Variants in PARVA observed in about 807,000 individuals in gnomAD.
PARVA encodes the protein parvin alpha, also known as alpha-parvin.
Under a neutral mutation model 52.6 loss-of-function variants are expected in PARVA, and 25 were observed. The observed-to-expected ratio is 0.48, with a 90% confidence interval of 0.35 to 0.66. The LOEUF (loss-of-function observed/expected upper bound fraction) is 0.66. PARVA is among the 30% of genes least tolerant of loss of function. PARVA has a pLI of 0.01. For missense variants in PARVA, 373 were observed against 450.9 expected, an observed-to-expected ratio of 0.83 and a Z score of 1.56; for synonymous variants, 185 against 179.1, an observed-to-expected ratio of 1.03 and a Z score of -0.26.
At chr11:12,459,546 CA>C (rs1329352722) in intron 1 of PARVA, among the ~76,000 whole-genome samples, 5 of 152,170 alleles carry the variant, frequency 3.3e-5, no homozygotes, top group Admixed American at 2.0e-4. Context: ...ACTCACCCTT[CA>C]TAGCTGGGAA....
chr11:12,381,366 G>A (rs1939483599), intron 1 of PARVA, among the ~76,000 whole-genome samples: 2 of 152,162 alleles, frequency 1.3e-5, no homozygotes, highest in African/African-American at 4.8e-5. Flanking sequence ...CATTCCTCAA[G>A]ATCACTGCCA....
intron 11 of PARVA, among the ~76,000 whole-genome samples, chr11:12,517,936 G>A (rs6485801): frequency 6.6e-6 from 1 of 152,156 alleles, no homozygotes; most frequent in South Asian, 2.1e-4. Context: ...GCCTGGCCCG[G>A]GTCCCCTGCC....
chr11:12,464,225 T>TA (rs1940824015), intron 1 of PARVA, among the ~76,000 whole-genome samples: 1 of 152,162 alleles, frequency 6.6e-6, no homozygotes. Flanking sequence ...TAGAAATACT[T>TA]AGAGAGATAT....
chr11:12,448,969 T>A (rs776080349), intron 1 of PARVA, among the ~76,000 whole-genome samples: 1 of 152,202 alleles, frequency 6.6e-6, no homozygotes, highest in Admixed American at 6.5e-5. Flanking sequence ...GACATTTAGC[T>A]AAGAAGCTTT....
intron 1 of PARVA, among the ~76,000 whole-genome samples, chr11:12,410,519 C>T (rs990114602): frequency 4.6e-5 from 7 of 152,192 alleles, no homozygotes; most frequent in Non-Finnish European, 8.8e-5. Context: ...GGTCTAGATC[C>T]GAAGGATTGC....
At chr11:12,466,080 T>C (rs1224190487) in intron 1 of PARVA, among the ~76,000 whole-genome samples, 3 of 152,202 alleles carry the variant, frequency 2.0e-5, no homozygotes, top group Admixed American at 6.5e-5. Flanking sequence ...GTTTTGTCAT[T>C]CCCTAATCAC....
intron 10 of PARVA, among the ~76,000 whole-genome samples, chr11:12,517,303 A>ACCCCCCCCCCCCCCCCCCCC (rs1564869136): frequency 4.4e-5 from 5 of 112,484 alleles, no homozygotes; most frequent in Admixed American, 9.2e-5. Context: ...AGCCACACTG[A>ACCCCCCCCCCCCCCCCCCCC]CCACCCCCCA....
At chr11:12,520,890 T>C (rs924960535) in intron 12 of PARVA, among the ~76,000 whole-genome samples, 2 of 151,862 alleles carry the variant, frequency 1.3e-5, no homozygotes, top group African/African-American at 4.8e-5. Flanking sequence ...GAGGCGGAAG[T>C]TGCACCACTG....
intron 4 of PARVA, among the ~76,000 whole-genome samples, chr11:12,494,550 G>A (rs746089005): frequency 6.6e-5 from 10 of 152,058 alleles, no homozygotes; most frequent in African/African-American, 1.2e-4. Context: ...TATAACCATA[G>A]ATGCCACTAT....
chr11:12,475,336 G>T (rs753653307), intron 3 of PARVA, among the ~76,000 whole-genome samples: 13 of 152,168 alleles, frequency 8.5e-5, no homozygotes, highest in Non-Finnish European at 1.5e-4. Flanking sequence ...CCACTCCACG[G>T]CTGCTATAAC....
chr11:12,515,580 G>A (rs779177748), intron 10 of PARVA, among the ~76,000 whole-genome samples: 3 of 152,134 alleles, frequency 2.0e-5, no homozygotes, highest in African/African-American at 4.8e-5. Flanking sequence ...GAGGTGAGGA[G>A]CAGTCTAAGC....
intron 1 of PARVA, among the ~76,000 whole-genome samples, chr11:12,410,430 G>A (rs1939977772): frequency 6.6e-6 from 1 of 152,200 alleles, no homozygotes; most frequent in South Asian, 2.1e-4. Flanking sequence ...TCTCTTTACT[G>A]TCGGCTCCTG....
rs1941775054 is a variant in PARVA, at chr11:12,531,809, A to G, written c.*3884A>G. Among the ~76,000 whole-genome samples, 1 of 152,102 alleles carries G rather than the reference A, an allele frequency of 6.6e-6. No individual in the cohort carries two copies. Among genetic ancestry groups the G allele is most frequent in the African/African-American group, 2.4e-5 (1 of 41,404 alleles). On this transcript the variant is annotated 3_prime_UTR_variant, in exon 13 of 13. Coordinates refer to ENST00000334956, the MANE Select transcript of PARVA (RefSeq NM_018222.5). ...AGAATTGCTGCAGCTGCTGAAAACA[A>G]GAGAGCTGCATTAAGCTGCAAGGCC...
intron 4 of PARVA, among the ~76,000 whole-genome samples, chr11:12,494,305 G>C (rs1310857209): frequency 1.3e-5 from 2 of 152,166 alleles, no homozygotes; most frequent in Non-Finnish European, 2.9e-5. Flanking sequence ...TTGACCTCCA[G>C]CTTCCTTCCC....
chr11:12,431,702 C>T (rs1474572199), intron 1 of PARVA, among the ~76,000 whole-genome samples: 1 of 152,262 alleles, frequency 6.6e-6, no homozygotes, highest in Non-Finnish European at 1.5e-5. Context: ...TCAGCTGGGC[C>T]TTATGCCTGT....
chr11:12,496,406 G>A lies in PARVA; in HGVS notation c.401-52G>A. ...TAACTGAGTAAGTGCATGCAGTAGGGTTGTCTGGGGCCCAGCATAACAGCT... is the reference window on the plus strand; with the variant it reads ...TAACTGAGTAAGTGCATGCAGTAGGATTGTCTGGGGCCCAGCATAACAGCT... On this transcript the variant is annotated intron_variant, in intron 4 of 12. Coordinates refer to ENST00000334956, the MANE Select transcript of PARVA (RefSeq NM_018222.5). The A allele has an allele frequency of 8.3e-6, 13 of 1,569,792 alleles. No homozygotes were observed. In the South Asian group the frequency reaches 1.4e-4, roughly 17 times the overall value.
At chr11:12,444,548 G>A (rs1051034681) in intron 1 of PARVA, among the ~76,000 whole-genome samples, 8 of 151,976 alleles carry the variant, frequency 5.3e-5, no homozygotes, top group Admixed American at 2.0e-4. Context: ...GGGTTCAAGT[G>A]ATCTGCTCAC....
intron 12 of PARVA, among the ~76,000 whole-genome samples, chr11:12,522,858 A>G (rs886348399): frequency 2.0e-5 from 3 of 152,060 alleles, no homozygotes; most frequent in African/African-American, 7.2e-5. Flanking sequence ...AAGAGGCAAC[A>G]TTTGAAGCTA....
At chr11:12,448,906 T>C (rs1373250115) in intron 1 of PARVA, among the ~76,000 whole-genome samples, 3 of 152,194 alleles carry the variant, frequency 2.0e-5, no homozygotes, top group Non-Finnish European at 4.4e-5. Context: ...CTGTACTCTC[T>C]CCCTTCTCTC....
Sources: gnomAD v4.1 joint callset for allele counts (sites outside exome capture counted in the v4.1 genomes callset) on GRCh38, gnomAD v4.1.1 for gene constraint, MANE v1.5 for transcripts, NCBI Gene and HGNC (gene_info 2026-07-23, HGNC 2026-07-21) for gene names.